NDUFAF6: variants seen among roughly 807,000 people sequenced by gnomAD.
The protein encoded by NDUFAF6 is NADH:ubiquinone oxidoreductase complex assembly factor 6.
A neutral mutation model predicts 40.8 loss-of-function variants in NDUFAF6; 45 were observed. That is an observed-to-expected ratio of 1.10 (90% CI 0.87 to 1.42). The LOEUF is 1.42. Ranked by LOEUF, NDUFAF6 falls within the 40% of genes most tolerant of loss-of-function variation. The pLI is 0.00. For synonymous variants in NDUFAF6, 185 were observed against 155.9 expected, an observed-to-expected ratio of 1.19 and a Z score of -1.39; for missense variants, 435 against 418.5, an observed-to-expected ratio of 1.04 and a Z score of -0.34.
At chr8:95,041,070 T>TA (rs1830092164) in intron 3 of NDUFAF6, 1 of 152,338 alleles carries the variant, frequency 6.6e-6, no homozygotes, top group Non-Finnish European at 1.5e-5. Context: ...TGGAAAACAA[T>TA]TTGCGTATAA....
At chr8:95,050,454 A>C (rs1004616814) in intron 7 of NDUFAF6, among the ~76,000 whole-genome samples, 1 of 152,188 alleles carries the variant, frequency 6.6e-6, no homozygotes, top group African/African-American at 2.4e-5. Context: ...CTGACTTTAA[A>C]TCCTAATTCT....
At chr8:95,012,906 A>G (rs1281419222) in intron 2 of NDUFAF6, among the ~76,000 whole-genome samples, 6 of 152,154 alleles carry the variant, frequency 3.9e-5, no homozygotes, top group Admixed American at 3.9e-4. Flanking sequence ...TTTCATTATT[A>G]AGTCAGGGAA....
chr8:94,936,851 T>C (rs1423545349), intron 1 of NDUFAF6, among the ~76,000 whole-genome samples: 2 of 152,164 alleles, frequency 1.3e-5, no homozygotes, highest in Non-Finnish European at 2.9e-5. Context: ...AGAGACAGGC[T>C]GCATCTAGAC....
chr8:94,915,231 G>T (rs1310494574), intron 1 of NDUFAF6, among the ~76,000 whole-genome samples: 1 of 152,082 alleles, frequency 6.6e-6, no homozygotes, highest in Admixed American at 6.5e-5. Flanking sequence ...GATTACAGAT[G>T]TAAGTGACTG....
chr8:94,938,294 T>C (rs1192744653), intron 1 of NDUFAF6, among the ~76,000 whole-genome samples: 4 of 152,238 alleles, frequency 2.6e-5, no homozygotes, highest in African/African-American at 9.6e-5. Context: ...ATTCTGGTGT[T>C]GTGCCAGTAT....
At chr8:94,954,656 A>G (rs1390991471), upstream of NDUFAF6, among the ~76,000 whole-genome samples, 1 of 132,978 alleles carries the variant, frequency 7.5e-6, no homozygotes, top group African/African-American at 2.6e-5. Flanking sequence ...AGCAAGTGCA[A>G]AGGCCTGAGG....
chr8:95,036,310 A>G, intron 3 of NDUFAF6: 3 of 1,285,794 alleles, frequency 2.3e-6, no homozygotes, highest in Non-Finnish European at 2.0e-6. Context: ...AGTGATTGCC[A>G]AAAGAGGGTT....
chr8:95,037,743 C>A (rs1331326039), intron 3 of NDUFAF6, among the ~76,000 whole-genome samples: 1 of 152,094 alleles, frequency 6.6e-6, no homozygotes, highest in Non-Finnish European at 1.5e-5. Context: ...TGAAGTATAG[C>A]ATATCCCTAG....
chr8:95,107,280 A>G (rs945730086), downstream of NDUFAF6, among the ~76,000 whole-genome samples: 3 of 152,240 alleles, frequency 2.0e-5, no homozygotes, highest in South Asian at 2.1e-4. Context: ...TGGCTGCACC[A>G]TGGAATACTA....
intron 6 of NDUFAF6, among the ~76,000 whole-genome samples, chr8:95,047,935 G>A (rs538032987): frequency 3.7e-4 from 57 of 152,010 alleles, no homozygotes; most frequent in African/African-American, 1.3e-3. Context: ...GGCCAGGTGC[G>A]GTGACTCATG....
At chr8:95,015,672 G>A (rs1794116415) in intron 2 of NDUFAF6, among the ~76,000 whole-genome samples, 1 of 152,188 alleles carries the variant, frequency 6.6e-6, no homozygotes, top group South Asian at 2.1e-4. Flanking sequence ...TGCAAATATA[G>A]TAGAAGAACC....
At chr8:95,114,530 G>A (rs986458895) in intron 4 of NDUFAF6, among the ~76,000 whole-genome samples, 3 of 152,222 alleles carry the variant, frequency 2.0e-5, no homozygotes, top group African/African-American at 7.2e-5. Context: ...AGTCCCAAGT[G>A]ATTCATTATT....
chr8:95,073,952 T>C (rs973130673), intron 9 of NDUFAF6, among the ~76,000 whole-genome samples: 5 of 152,164 alleles, frequency 3.3e-5, no homozygotes, highest in African/African-American at 9.6e-5. Flanking sequence ...TAAGAAACCA[T>C]AGTTAATTTT....
intron 2 of NDUFAF6, chr8:94,950,851 A>T (rs1442921510): frequency 6.6e-6 from 1 of 152,186 alleles, no homozygotes; most frequent in African/African-American, 2.4e-5. Flanking sequence ...AAAAAGAAAA[A>T]GGCCTACCTT....
At chr8:94,946,526 C>T in intron 2 of NDUFAF6, among the ~76,000 whole-genome samples, 1 of 151,316 alleles carries the variant, frequency 6.6e-6, no homozygotes, top group Admixed American at 6.6e-5. Flanking sequence ...CAAAGCAAGA[C>T]CCCATCTCTA....
At chr8:95,036,384 C>T (rs1462176016) in intron 3 of NDUFAF6, 4 of 1,289,298 alleles carry the variant, frequency 3.1e-6, no homozygotes, top group Non-Finnish European at 4.0e-6. Context: ...TGCACACCAG[C>T]AGAGGCAGGC....
chr8:94,992,063 T>C (rs1310997600), intron 2 of NDUFAF6, among the ~76,000 whole-genome samples: 6 of 152,222 alleles, frequency 3.9e-5, no homozygotes, highest in Non-Finnish European at 7.3e-5. Flanking sequence ...TTTTGCCAAA[T>C]TGCCCTCCAA....
intron 2 of NDUFAF6, among the ~76,000 whole-genome samples, chr8:95,018,092 G>T (rs1470391880): frequency 6.6e-6 from 1 of 152,072 alleles, no homozygotes; most frequent in African/African-American, 2.4e-5. Context: ...TTTCACCCAG[G>T]CTGGGTGCAG....
chr8:94,994,499 C>T (rs141996696), intron 2 of NDUFAF6, among the ~76,000 whole-genome samples: 1,538 of 150,022 alleles, frequency 0.01, 28 homozygotes, highest in African/African-American at 0.036. Flanking sequence ...TGCAGTGAGC[C>T]GAGATTGTGC....
Sources: allele counts gnomAD v4.1 joint callset (sites outside exome capture counted in the v4.1 genomes callset), GRCh38; gene constraint gnomAD v4.1.1; transcripts MANE v1.5; gene names NCBI Gene and HGNC (gene_info 2026-07-23, HGNC 2026-07-21).